Variants in GRIK2 observed in about 807,000 individuals in gnomAD.
GRIK2 encodes glutamate ionotropic receptor kainate type subunit 2.
Under a neutral mutation model 100.3 loss-of-function variants are expected in GRIK2, and 32 were observed. That is an observed-to-expected ratio of 0.32 (90% CI 0.24 to 0.43). The LOEUF (loss-of-function observed/expected upper bound fraction) is 0.43. Among genes scored for constraint, GRIK2 ranks in the 20% least tolerant of loss-of-function variants. GRIK2 has a pLI of 1.00. For missense variants in GRIK2, 843 were observed against 1,114.9 expected (o/e 0.76, Z 3.47); for synonymous variants, 417 against 389.4 (o/e 1.07, Z -0.83).
chr6:101,838,988 C>CTT (rs61212050), intron 10 of GRIK2, among the ~76,000 whole-genome samples: 12,820 of 149,476 alleles, frequency 0.086, 1,458 homozygotes, highest in African/African-American at 0.26. Flanking sequence ...CTGGAATATG[C>CTT]TTTTTTTTTT....
rs575560147 is a variant in GRIK2, at chr6:101,833,813, T to TGAG, written c.1317+15330_1317+15331insGAG. Among the ~76,000 whole-genome samples the TGAG allele has an allele frequency of 1.3e-3, 193 of 152,234 alleles. 1 individual carries two copies. Among genetic ancestry groups the TGAG allele is most frequent in the African/African-American group, 4.3e-3 (180 of 41,584 alleles). On this transcript the variant is annotated intron_variant, in intron 10 of 16. Transcript: ENST00000369134. Reference sequence around the variant, plus strand: ...TTTGCTCTATTATATTTAGGTATATTCACTAGTGACTGCTCAATAATTACA... The same window carrying TGAG: ...TTTGCTCTATTATATTTAGGTATATTGAGCACTAGTGACTGCTCAATAATTACA...
At chr6:101,484,417 C>A (rs1311170604) in intron 2 of GRIK2, among the ~76,000 whole-genome samples, 2 of 152,072 alleles carry the variant, frequency 1.3e-5, no homozygotes, top group Non-Finnish European at 2.9e-5. Flanking sequence ...ATTGTATTTT[C>A]TGAAAAGATT....
chr6:101,626,405 G>C lies in GRIK2; in HGVS notation c.309G>C (p.Val103=), dbSNP rs150803043. ...CCTGTGATCAGCTGTCTCTTGGGGTGGCTGCCATCTTCGGGCCTTCACACA... is the reference window on the plus strand; with the variant it reads ...CCTGTGATCAGCTGTCTCTTGGGGTCGCTGCCATCTTCGGGCCTTCACACA... The part of the protein sequence containing the change: ...KKACDQLSLG[V]AAIFGPSHSS... Residue 103 remains valine (V), a synonymous_variant, in exon 4 of 17, where the codon GTG becomes GTC. Transcript: ENST00000369134. 6.2e-7 allele frequency: 1 copy of C among 1,612,832 alleles called. No homozygotes were observed. Among genetic ancestry groups the C allele is most frequent in the Non-Finnish European group, 8.5e-7 (1 of 1,179,760 alleles).
At chr6:101,669,997 G>C (rs1487899382) in intron 4 of GRIK2, among the ~76,000 whole-genome samples, 4 of 152,132 alleles carry the variant, frequency 2.6e-5, no homozygotes, top group African/African-American at 9.7e-5. Context: ...TGCAGGAGTT[G>C]ATGGAAAGTG....
Position 102,064,317 on chromosome 6 carries a change from C to CT in GRIK2, c.2563-4029dup, listed in dbSNP as rs573434976. 5.4e-3 allele frequency among the ~76,000 whole-genome samples: 802 copies of CT among 147,950 alleles called. 4 individuals are homozygous for CT. Among genetic ancestry groups the CT allele is most frequent in the African/African-American group, 0.019 (771 of 39,938 alleles). ...TCCTCCTTCTCCTCTCCTTCTCCTC[C>CT]TCCTTCCTTTCCTTTCCTTTCTTTC... On this transcript the variant is annotated intron_variant, in intron 16 of 16. Coordinates refer to ENST00000369134, the MANE Select transcript of GRIK2 (RefSeq NM_021956.5).
intron 2 of GRIK2, among the ~76,000 whole-genome samples, chr6:101,426,342 G>A (rs1364982514): frequency 2.0e-5 from 3 of 152,156 alleles, no homozygotes; most frequent in African/African-American, 7.2e-5. Flanking sequence ...AGATTACAGA[G>A]TGTCTTCTAG....
At chr6:101,766,880 A>G (rs1034824150) in intron 7 of GRIK2, among the ~76,000 whole-genome samples, 4 of 152,212 alleles carry the variant, frequency 2.6e-5, no homozygotes, top group African/African-American at 9.6e-5. Flanking sequence ...TTTTTGGAAA[A>G]TAATTGTTTA....
chr6:102,025,418 C>T (rs565154518), intron 14 of GRIK2, among the ~76,000 whole-genome samples: 36 of 150,862 alleles, frequency 2.4e-4, no homozygotes, highest in African/African-American at 4.6e-4. Context: ...ATAAAATAGA[C>T]GGAGGATAAG....
Position 101,447,548 on chromosome 6 carries a change from T to C in GRIK2, c.115+48156T>C, listed in dbSNP as rs184423410. Among the ~76,000 whole-genome samples, 5 of 151,870 alleles carry C rather than the reference T, an allele frequency of 3.3e-5. No homozygotes were observed. The East Asian group carries it at 9.7e-4, about 29-fold the overall frequency. ...CTAACATATTAGGATATTTATGACA[T>C]ATGTAGAAATGTAAGTTTTACTGAT... On this transcript the variant is annotated intron_variant, in intron 2 of 16. Transcript: ENST00000369134.
intron 2 of GRIK2, among the ~76,000 whole-genome samples, chr6:101,519,535 G>C (rs1774767094): frequency 6.6e-6 from 1 of 152,010 alleles, no homozygotes; most frequent in Non-Finnish European, 1.5e-5. Flanking sequence ...ACCCATTTTA[G>C]AGCCTGAAAT....
chr6:101,780,993 C>T (rs1264406253), intron 7 of GRIK2, among the ~76,000 whole-genome samples: 1 of 152,176 alleles, frequency 6.6e-6, no homozygotes, highest in East Asian at 1.9e-4. Flanking sequence ...TTATTTTGTC[C>T]TCTGAACTAA....
intron 2 of GRIK2, among the ~76,000 whole-genome samples, chr6:101,514,077 C>G (rs1461809046): frequency 6.6e-6 from 1 of 151,866 alleles, no homozygotes; most frequent in Non-Finnish European, 1.5e-5. Context: ...TTGAGCACAG[C>G]CCTAAGTAGA....
At chr6:101,795,654 G>A (rs1198751048) in intron 7 of GRIK2, among the ~76,000 whole-genome samples, 3 of 152,178 alleles carry the variant, frequency 2.0e-5, no homozygotes, top group African/African-American at 4.8e-5. Flanking sequence ...ATCACATACT[G>A]GTGTTTGCAG....
intron 12 of GRIK2, among the ~76,000 whole-genome samples, chr6:101,893,876 A>G (rs1034965444): frequency 6.6e-6 from 1 of 151,742 alleles, no homozygotes; most frequent in African/African-American, 2.4e-5. Context: ...CTGGCAATAT[A>G]TATCTATTAC....
intron 12 of GRIK2, among the ~76,000 whole-genome samples, chr6:101,918,137 A>T (rs1789239283): frequency 6.6e-6 from 1 of 151,638 alleles, no homozygotes; most frequent in Admixed American, 6.6e-5. Flanking sequence ...TTTTTAAACA[A>T]GATTTGCTTT....
chr6:101,774,008 ATTG>A (rs899336348), intron 7 of GRIK2, among the ~76,000 whole-genome samples: 3 of 152,290 alleles, frequency 2.0e-5, no homozygotes, highest in African/African-American at 4.8e-5. Flanking sequence ...TTGCATATGT[ATTG>A]TTTCATTTTT....
At chr6:101,684,376 C>T (rs1342725928) in intron 6 of GRIK2, among the ~76,000 whole-genome samples, 1 of 152,150 alleles carries the variant, frequency 6.6e-6, no homozygotes, top group Non-Finnish European at 1.5e-5. Flanking sequence ...TGATCCTAAT[C>T]GAACTTTCCC....
At chr6:101,456,350 A>T (rs1460059824) in intron 2 of GRIK2, among the ~76,000 whole-genome samples, 1 of 152,056 alleles carries the variant, frequency 6.6e-6, no homozygotes, top group Admixed American at 6.6e-5. Flanking sequence ...TTTCCTTGGG[A>T]TGATTTACAT....
intron 4 of GRIK2, among the ~76,000 whole-genome samples, chr6:101,657,030 T>G (rs554956315): frequency 6.6e-6 from 1 of 152,242 alleles, no homozygotes; most frequent in East Asian, 1.9e-4. Flanking sequence ...TGTTTTAACT[T>G]CATCTGCAGG....
Sources: allele counts gnomAD v4.1 joint callset (sites outside exome capture counted in the v4.1 genomes callset), GRCh38; gene constraint gnomAD v4.1.1; transcripts MANE v1.5; gene names NCBI Gene and HGNC (gene_info 2026-07-23, HGNC 2026-07-21).